Variants in KPNA1 observed in about 807,000 individuals in gnomAD.
KPNA1 encodes importin subunit alpha-5.
In KPNA1, 10 loss-of-function variants were observed where a neutral mutation model predicts 70.5. The observed-to-expected ratio is 0.14, with a 90% CI of 0.09 to 0.24. The LOEUF is 0.24. Among genes scored for constraint, KPNA1 ranks in the 10% least tolerant of loss-of-function variants. KPNA1 has a pLI of 1.00. For synonymous variants in KPNA1, 192 were observed against 221.9 expected (o/e 0.87, Z 1.20); for missense variants, 397 against 637.9 (o/e 0.62, Z 4.07).
chr3:122,484,244 G>C (rs1362381996), intron 2 of KPNA1, among the ~76,000 whole-genome samples: 1 of 152,058 alleles, frequency 6.6e-6, no homozygotes, highest in Non-Finnish European at 1.5e-5. Flanking sequence ...AAACTCACTG[G>C]AATAACTGTT....
intron 1 of KPNA1, among the ~76,000 whole-genome samples, chr3:122,499,806 C>G (rs2076805635): frequency 6.6e-6 from 1 of 150,760 alleles, no homozygotes; most frequent in Non-Finnish European, 1.5e-5. Flanking sequence ...CTTGTGATGT[C>G]TTTGTCTGGC....
chr3:122,502,294 C>A (rs1479553076), intron 1 of KPNA1, among the ~76,000 whole-genome samples: 1 of 152,160 alleles, frequency 6.6e-6, no homozygotes, highest in Non-Finnish European at 1.5e-5. Flanking sequence ...TATGTTGACA[C>A]CCTAACCACC....
intron 2 of KPNA1, among the ~76,000 whole-genome samples, chr3:122,478,264 A>G (rs1012792457): frequency 2.0e-5 from 3 of 152,188 alleles, no homozygotes; most frequent in South Asian, 2.1e-4. Context: ...AACAAATCTA[A>G]ACCACAGGTC....
chr3:122,427,295 A>G, intron 13 of KPNA1, 123 bp from the exon 14 acceptor site: 1 of 794,032 alleles, frequency 1.3e-6, no homozygotes, highest in South Asian at 1.9e-5. Context: ...AAGAAAGATT[A>G]TTTGTATCTC....
In KPNA1 at chr3:122,426,121, A is replaced by G. The variant is rs1251308971; in HGVS notation, c.*864T>C. 1 of 152,188 alleles carries G rather than the reference A, an allele frequency of 6.6e-6. No individual in the cohort carries two copies. The highest frequency in any genetic ancestry group is 2.4e-5 in the African/African-American group (1 of 41,418). 9.4% of individuals were successfully genotyped at this position (152,188 alleles called of 1,614,324 possible). A position where few individuals can be genotyped will look rare whatever the true frequency, so the allele number is the denominator to read the frequency against. On this transcript the variant is annotated 3_prime_UTR_variant, in exon 14 of 14. Coordinates refer to ENST00000344337, the MANE Select transcript of KPNA1 (RefSeq NM_002264.4). ...GGTTTTTTCGTCCTTAGTTTTTTTTATTAAATTACAGGATATGGTTTTCGA... is the reference window on the plus strand; with the variant it reads ...GGTTTTTTCGTCCTTAGTTTTTTTTGTTAAATTACAGGATATGGTTTTCGA...
chr3:122,501,021 TTTTC>T (rs973355479), intron 1 of KPNA1, among the ~76,000 whole-genome samples: 3 of 141,004 alleles, frequency 2.1e-5, no homozygotes, highest in African/African-American at 5.1e-5. Context: ...TCTTCTTTTC[TTTTC>T]TTTCCTTTTT....
At chr3:122,427,359 A>G in intron 13 of KPNA1, 179 bp downstream of exon 13, 1 of 738,610 alleles carries the variant, frequency 1.4e-6, no homozygotes, top group South Asian at 1.9e-5. Flanking sequence ...TCTGAAAGCT[A>G]GTATTATAAA....
In KPNA1 at chr3:122,451,696, T is replaced by C. The variant is rs531686621; in HGVS notation, c.654-63A>G. On this transcript the variant is annotated intron_variant, in intron 7 of 13. Coordinates refer to ENST00000344337, the MANE Select transcript of KPNA1 (RefSeq NM_002264.4). ...GACAGTGATTATCTGATGACATAAATACTAAATAATAATACTTTTGATAAA... is the reference window on the plus strand; with the variant it reads ...GACAGTGATTATCTGATGACATAAACACTAAATAATAATACTTTTGATAAA... 30 of 1,021,788 alleles carry C rather than the reference T, an allele frequency of 2.9e-5. No homozygotes were observed. The East Asian group carries it at 6.4e-4, about 22-fold the overall frequency. 63.3% of individuals were successfully genotyped at this position (1,021,788 alleles called of 1,614,324 possible). A position where few individuals can be genotyped will look rare whatever the true frequency, so the allele number is the denominator to read the frequency against.
chr3:122,501,098 G>A (rs1277497852), intron 1 of KPNA1, among the ~76,000 whole-genome samples: 3 of 147,146 alleles, frequency 2.0e-5, no homozygotes, highest in Admixed American at 6.9e-5. Flanking sequence ...GCATGATCTC[G>A]GCTCACTGCA....
At chr3:122,450,205 G>GA (rs988420107) in intron 8 of KPNA1, among the ~76,000 whole-genome samples, 8 of 151,224 alleles carry the variant, frequency 5.3e-5, no homozygotes, top group African/African-American at 1.9e-4. Context: ...AAATCAGCAA[G>GA]AAAAAAAAAT....
In KPNA1 at chr3:122,496,555, G is replaced by A; in HGVS notation, c.11C>T (p.Pro4Leu). ...TTTCAGGCGAAAGTTCTCTTTTCCT[G>A]GGGTGGTCATGATTTCTACAATACA... MTT[P>L]GKENFRLKSY... Residue 4 changes from proline (P) to leucine (L), a missense_variant, in exon 2 of 14, where the codon CCA (proline) becomes CTA (leucine). Physicochemically the swap from Pro to Leu is moderately conservative, Grantham distance 98 (BLOSUM62 -3). Transcript: ENST00000344337. The A allele has an allele frequency of 6.2e-7, 1 of 1,613,582 alleles. No individual in the cohort carries two copies. The highest frequency in any genetic ancestry group is 1.3e-5 in the African/African-American group (1 of 74,986).
At chr3:122,437,374 A>G (rs1321579521) in intron 10 of KPNA1, 79 bp from the exon 11 acceptor site, 9 of 1,071,664 alleles carry the variant, frequency 8.4e-6, no homozygotes, top group Admixed American at 2.9e-5. Flanking sequence ...ACATTTTATG[A>G]AAGACATAAC....
intron 1 of KPNA1, among the ~76,000 whole-genome samples, chr3:122,511,755 A>T (rs1211026441): frequency 6.6e-6 from 1 of 152,160 alleles, no homozygotes; most frequent in Non-Finnish European, 1.5e-5. Context: ...CTTAAAACAA[A>T]ACAAGGAGTT....
intron 2 of KPNA1, among the ~76,000 whole-genome samples, chr3:122,495,462 A>G (rs2076748518): frequency 6.6e-6 from 1 of 152,088 alleles, no homozygotes. Flanking sequence ...ATTACAAAAT[A>G]CCTTTGCCAA....
At chr3:122,460,937 T>C (rs2076317253) in intron 5 of KPNA1, among the ~76,000 whole-genome samples, 1 of 152,154 alleles carries the variant, frequency 6.6e-6, no homozygotes, top group African/African-American at 2.4e-5. Context: ...ACACATAAGT[T>C]CCTGGCTGTA....
At chr3:122,434,592 C>G (rs1326147654) in intron 11 of KPNA1, among the ~76,000 whole-genome samples, 3 of 152,176 alleles carry the variant, frequency 2.0e-5, no homozygotes, top group Admixed American at 2.0e-4. Context: ...AATTTACATT[C>G]TCAATTTTTA....
intron 12 of KPNA1, among the ~76,000 whole-genome samples, chr3:122,431,537 A>C (rs1016204234): frequency 6.6e-6 from 1 of 152,122 alleles, no homozygotes; most frequent in Non-Finnish European, 1.5e-5. Flanking sequence ...AGCCAGATAG[A>C]TGTCTTTTAT....
chr3:122,447,357 G>C (rs1040459580), intron 9 of KPNA1, among the ~76,000 whole-genome samples: 4 of 152,148 alleles, frequency 2.6e-5, no homozygotes, highest in Admixed American at 1.3e-4. Context: ...GGGATGCAAG[G>C]CTGGTTCAAC....
intron 10 of KPNA1, 138 bp downstream of exon 10, chr3:122,441,900 C>T: frequency 1.3e-6 from 1 of 757,210 alleles, no homozygotes; most frequent in Non-Finnish European, 2.3e-6. Context: ...CGCCCCCGGC[C>T]CAACATTTTT....
Sources: allele counts gnomAD v4.1 joint callset (sites outside exome capture counted in the v4.1 genomes callset), GRCh38; gene constraint gnomAD v4.1.1; transcripts MANE v1.5; gene names NCBI Gene and HGNC (gene_info 2026-07-23, HGNC 2026-07-21).